Variants in RFLNA observed in about 807,000 individuals in gnomAD.
RFLNA encodes refilin-A.
A neutral mutation model predicts 7.8 loss-of-function variants in RFLNA; 5 were observed. That is an observed-to-expected ratio of 0.64 (90% CI 0.34 to 1.35). The LOEUF (loss-of-function observed/expected upper bound fraction) is 1.35. Among genes scored for constraint, RFLNA ranks in the 40% most tolerant of loss-of-function variants. The pLI is 0.04. For missense variants in RFLNA, 278 were observed against 305.5 expected (o/e 0.91, Z 0.67); for synonymous variants, 141 against 131.3 (o/e 1.07, Z -0.50).
At chr12:124,298,438 C>T (rs2033969504) in intron 1 of RFLNA, among the ~76,000 whole-genome samples, 1 of 152,154 alleles carries the variant, frequency 6.6e-6, no homozygotes, top group African/African-American at 2.4e-5. Context: ...TATGAATGAA[C>T]CCCCTCCCCA....
chr12:124,302,818 C>T (rs561568515), intron 1 of RFLNA, among the ~76,000 whole-genome samples: 1 of 145,198 alleles, frequency 6.9e-6, no homozygotes, highest in African/African-American at 2.6e-5. Context: ...GGTCAGGGGC[C>T]GAGGTCAGGG....
rs1286360934 is a variant in RFLNA, at chr12:124,314,097, C to T, written c.318-95C>T. On this transcript the variant is annotated intron_variant, in intron 2 of 2. Transcript: ENST00000546355. ...AGCCCACACCCGTTAGGCTTCAGAG[C>T]ATCTGCCCAGGGCCCTTTCGTGTCC... 1.4e-5 allele frequency: 20 copies of T among 1,448,168 alleles called. No homozygotes were observed. In the South Asian group the frequency reaches 2.8e-4, roughly 20 times the overall value. The allele number at this position is 1,448,168 out of a possible 1,614,324, so 89.7% of individuals were successfully genotyped here.
At chr12:124,291,839 G>A (rs1040036392), upstream of RFLNA, among the ~76,000 whole-genome samples, 12 of 152,128 alleles carry the variant, frequency 7.9e-5, no homozygotes, top group African/African-American at 2.9e-4. Context: ...CCTGGGCTGG[G>A]GCTTGGGGTT....
rs1277636243 is a variant in RFLNA, at chr12:124,314,557, A to ATT, written c.*32_*33insTT. On this transcript the variant is annotated 3_prime_UTR_variant, in exon 3 of 3. Transcript: ENST00000546355. ...TGGGGCCGGCCCGGGGTGCTGGAGG[A>ATT]GCCGGGAGCCCTGGGGAGAAGCCGG... The ATT allele has an allele frequency of 5.9e-6, 9 of 1,537,240 alleles. No homozygotes were observed. Among genetic ancestry groups the ATT allele is most frequent in the Non-Finnish European group, 7.8e-6 (9 of 1,149,674 alleles).
intron 1 of RFLNA, among the ~76,000 whole-genome samples, chr12:124,299,568 A>G (rs138604691): frequency 1.1e-4 from 16 of 152,272 alleles, no homozygotes; most frequent in Non-Finnish European, 1.9e-4. Flanking sequence ...TTGCATCCTC[A>G]TAGCTGAGCT....
At chr12:124,313,899 C>T (rs80187036) in intron 2 of RFLNA, among the ~76,000 whole-genome samples, 3 of 152,210 alleles carry the variant, frequency 2.0e-5, no homozygotes, top group Non-Finnish European at 2.9e-5. Context: ...CACGACACGG[C>T]TCAGTTTCAC....
intron 2 of RFLNA, among the ~76,000 whole-genome samples, chr12:124,312,522 A>T (rs2034264317): frequency 6.6e-6 from 1 of 151,962 alleles, no homozygotes; most frequent in Non-Finnish European, 1.5e-5. Flanking sequence ...TGTTGCCCAG[A>T]CTGGTCTCCA....
Position 124,300,895 on chromosome 12 carries a change from G to A in RFLNA, c.207+5259G>A, listed in dbSNP as rs750101225. 2.6e-5 allele frequency among the ~76,000 whole-genome samples: 4 copies of A among 151,654 alleles called. 1 individual carries two copies. The highest frequency in any genetic ancestry group is 5.9e-5 in the Non-Finnish European group (4 of 67,938). ...GGATGAATAGATGGGCAAATAGAAGGATGGATGGATGGGCAGAAGGGTGGA... is the reference window on the plus strand; with the variant it reads ...GGATGAATAGATGGGCAAATAGAAGAATGGATGGATGGGCAGAAGGGTGGA... On this transcript the variant is annotated intron_variant, in intron 1 of 2. Coordinates refer to ENST00000546355, the MANE Select transcript of RFLNA (RefSeq NM_001365156.1).
rs904647 is a variant in RFLNA, at chr12:124,314,841, G to A, written c.*316G>A. ...GGTCAGGGGAAAAGAATGGGTCCAT[G>A]GAGTGCCCTTGAAGCAGAGAACAGC... On this transcript the variant is annotated 3_prime_UTR_variant, in exon 3 of 3. Transcript: ENST00000546355. The A allele has an allele frequency of 0.63, 343,492 of 546,880 alleles. 110,591 individuals carry two copies. Among genetic ancestry groups the A allele is most frequent in the Middle Eastern group, 0.69 (1,698 of 2,468 alleles). The allele number at this position is 546,880 out of a possible 1,614,324, so 33.9% of individuals were successfully genotyped here. A position where few individuals can be genotyped will look rare whatever the true frequency, so the allele number is the denominator to read the frequency against.
upstream of RFLNA, among the ~76,000 whole-genome samples, chr12:124,292,833 G>A (rs1462393249): frequency 1.3e-5 from 2 of 152,196 alleles, no homozygotes; most frequent in Non-Finnish European, 2.9e-5. Context: ...TCAGGACATC[G>A]CCCAAACACA....
At chr12:124,305,078 G>A (rs1051031659) in intron 1 of RFLNA, among the ~76,000 whole-genome samples, 2 of 152,220 alleles carry the variant, frequency 1.3e-5, no homozygotes, top group African/African-American at 4.8e-5. Flanking sequence ...AGATGAGGAT[G>A]GGCCTGTCTT....
chr12:124,300,229 G>C (rs900113315), intron 1 of RFLNA, among the ~76,000 whole-genome samples: 1 of 152,238 alleles, frequency 6.6e-6, no homozygotes, highest in Non-Finnish European at 1.5e-5. Context: ...CTGGTGGCCT[G>C]GGCTCTGTCA....
rs2034140978 is a variant in RFLNA at position 124,306,532 on chromosome 12, A to G, written c.208-5286A>G. ...CCCTGGGCATGAAAGGCAGTGGAGG[A>G]GCGAGGGTGAGGGCCCGGGACCTGG... On this transcript the variant is annotated intron_variant, in intron 1 of 2. Coordinates refer to ENST00000546355, the MANE Select transcript of RFLNA (RefSeq NM_001365156.1). This position sits in a 1 kb window ranked among gnomAD's most constrained non-coding sequence, Gnocchi z 5.2. Among the ~76,000 whole-genome samples, 1 of 152,056 alleles carries G rather than the reference A, an allele frequency of 6.6e-6. No individual in the cohort carries two copies. The highest frequency in any genetic ancestry group is 1.5e-5 in the Non-Finnish European group (1 of 68,008).
intron 1 of RFLNA, among the ~76,000 whole-genome samples, chr12:124,310,509 CTGCAGGGAG>C (rs2034224399): frequency 1.8e-4 from 1 of 5,636 alleles, no homozygotes; most frequent in Non-Finnish European, 4.5e-4. Flanking sequence ...GGGAGGTGGA[CTGCAGGGAG>C]GGGGAGGTGG....
chr12:124,314,507 G>A lies in RFLNA; in HGVS notation c.633G>A (p.Leu211=). Residue 211 remains leucine, a synonymous_variant, in exon 3 of 3, where the codon CTG becomes CTA. Coordinates refer to ENST00000546355, the MANE Select transcript of RFLNA (RefSeq NM_001365156.1). ...GCCAGGACCCTGCCCCCAGCCTCCT[G>A]GGCCCTGCCACGCTCTGACGGGGCT... The part of the protein sequence containing the change: ...QLCQDPAPSL[L]GPATL 6.3e-7 allele frequency: 1 copy of A among 1,588,086 alleles called. No homozygotes were observed. The highest frequency in any genetic ancestry group is 8.5e-7 in the Non-Finnish European group (1 of 1,174,318).
At chr12:124,301,593 C>A (rs2034039781) in intron 1 of RFLNA, among the ~76,000 whole-genome samples, 1 of 152,152 alleles carries the variant, frequency 6.6e-6, no homozygotes, top group African/African-American at 2.4e-5. Context: ...TATTTGTCCA[C>A]CTTGCAGCAA....
rs866122002 is a variant in RFLNA, at chr12:124,295,436, G to A, written c.7G>A (p.Gly3Ser). The A allele has an allele frequency of 2.4e-6, 3 of 1,228,878 alleles. No homozygotes were observed. Among genetic ancestry groups the A allele is most frequent in the Non-Finnish European group, 2.0e-6 (2 of 987,584 alleles). The allele number at this position is 1,228,878 out of a possible 1,614,324, so 76.1% of individuals were successfully genotyped here. A position where few individuals can be genotyped will look rare whatever the true frequency, so the allele number is the denominator to read the frequency against. The change falls in exon 1 of 3, where the codon GGC becomes AGC. Residue 3 changes from glycine to serine, a missense_variant. Transcript: ENST00000546355. Reference sequence around the variant, plus strand: ...CGCCCCGCGCCCCCCAGACATGGTGGGCCACCTGCATCTGCAGGGCATGGA... The same window carrying A: ...CGCCCCGCGCCCCCCAGACATGGTGAGCCACCTGCATCTGCAGGGCATGGA... MV[G>S]HLHLQGMEDS...
intron 1 of RFLNA, among the ~76,000 whole-genome samples, chr12:124,305,155 G>T (rs1308751283): frequency 6.6e-6 from 1 of 152,226 alleles, no homozygotes; most frequent in Non-Finnish European, 1.5e-5. Context: ...AAAGTAAGAA[G>T]TGTTGTTTTA....
chr12:124,300,998 A>G (rs74322096), intron 1 of RFLNA, among the ~76,000 whole-genome samples: 17,132 of 152,138 alleles, frequency 0.11, 1,125 homozygotes, highest in East Asian at 0.3. Context: ...TGAATGGATG[A>G]ACAGATGGCT....
Sources: gnomAD v4.1 joint callset for allele counts (sites outside exome capture counted in the v4.1 genomes callset) on GRCh38, gnomAD v4.1.1 for gene constraint, Gnocchi (gnomAD v3.1) non-coding constraint, MANE v1.5 for transcripts, NCBI Gene and HGNC (gene_info 2026-07-23, HGNC 2026-07-21) for gene names.